Variants in CCDC61 observed in about 807,000 individuals in gnomAD.
CCDC61 encodes coiled-coil domain containing 61.
CCDC61 carries 55 observed loss-of-function variants against 63.0 expected under a neutral mutation model. That is an observed-to-expected ratio of 0.87 (90% CI 0.70 to 1.09). CCDC61 has a LOEUF of 1.09. Among genes scored for constraint, CCDC61 ranks in the 50% least tolerant of loss-of-function variants. The probability of loss-of-function intolerance (pLI) is 0.00; values close to 1 mark genes in which losing one functional copy is unlikely to be tolerated. For synonymous variants in CCDC61, 270 were observed against 317.0 expected, an observed-to-expected ratio of 0.85 and a Z score of 1.58; for missense variants, 651 against 731.4, an observed-to-expected ratio of 0.89 and a Z score of 1.27.
intron 1 of CCDC61, among the ~76,000 whole-genome samples, chr19:46,000,764 A>C (rs1418252299): frequency 6.7e-6 from 1 of 148,164 alleles, no homozygotes; most frequent in Non-Finnish European, 1.5e-5. Context: ...TAAGTGTGCA[A>C]GGGGAATTGA....
chr19:46,012,703 T>C (rs75608718), intron 5 of CCDC61, among the ~76,000 whole-genome samples: 43,809 of 151,554 alleles, frequency 0.29, 6,586 homozygotes, highest in African/African-American at 0.35. Context: ...AGCCTCCGTA[T>C]GTCTTTTTCC....
chr19:46,017,475 C>T (rs908877594), intron 12 of CCDC61, among the ~76,000 whole-genome samples, 171 bp downstream of exon 12: 10 of 148,530 alleles, frequency 6.7e-5, no homozygotes, highest in South Asian at 2.2e-4. Context: ...TTGTAGCTCA[C>T]GGCAGCTTTC....
chr19:46,012,979 G>C (rs1968857588), intron 5 of CCDC61, among the ~76,000 whole-genome samples: 1 of 151,592 alleles, frequency 6.6e-6, no homozygotes, highest in African/African-American at 2.4e-5. Context: ...AGCCTTCCCA[G>C]TAGCTGGGAC....
Position 46,015,632 on chromosome 19 carries a change from G to C in CCDC61, c.845+205G>C, listed in dbSNP as rs953158868. On this transcript the variant is annotated intron_variant, in intron 7 of 13. Transcript: ENST00000595358. This position sits in a 1 kb window ranked among gnomAD's most constrained non-coding sequence, Gnocchi z 5.3. ...TTAGGAGGTGGACCCGGGCTGTGCG[G>C]AGATGCGCAGGCTTGGGGCGGCGTT... Among the ~76,000 whole-genome samples the C allele has an allele frequency of 3.3e-5, 5 of 152,194 alleles. No individual in the cohort carries two copies. The highest frequency in any genetic ancestry group is 3.3e-4 in the Admixed American group (5 of 15,286).
Position 46,015,387 on chromosome 19 carries a change from C to G in CCDC61, c.805C>G (p.Leu269Val), listed in dbSNP as rs775117507. 1 of 1,603,468 alleles carries G rather than the reference C, an allele frequency of 6.2e-7. No individual in the cohort carries two copies. The highest frequency in any genetic ancestry group is 8.5e-7 in the Non-Finnish European group (1 of 1,179,116). ...ATCGGAGCGGAGCCTGCGCGCCCGG[C>G]TGAAGACGCTGACCAGCGAGCTGGC... ...KASERSLRAR[L>V]KTLTSELALY... The change falls in exon 7 of 14, where the codon CTG becomes GTG. Residue 269 changes from leucine to valine, a missense_variant. Physicochemically the swap from Leu to Val is conservative, Grantham distance 32. Transcript: ENST00000595358. This position sits in a 1 kb window ranked among gnomAD's most constrained non-coding sequence, Gnocchi z 5.3.
intron 4 of CCDC61, among the ~76,000 whole-genome samples, chr19:46,007,085 C>G (rs1968726370): frequency 1.4e-5 from 2 of 145,488 alleles, no homozygotes; most frequent in Admixed American, 1.4e-4. Flanking sequence ...GTCTCACTGT[C>G]TCATCCAGGC....
At chr19:46,008,839 G>A (rs1968768943) in intron 5 of CCDC61, among the ~76,000 whole-genome samples, 1 of 152,178 alleles carries the variant, frequency 6.6e-6, no homozygotes, top group South Asian at 2.1e-4. Context: ...AGACAGTGAA[G>A]GCTCTGGGTG....
intron 12 of CCDC61, 97 bp downstream of exon 12, chr19:46,017,401 C>G (rs1361712889): frequency 1.7e-6 from 2 of 1,165,476 alleles, no homozygotes; most frequent in African/African-American, 3.1e-5. Context: ...CTCTGAATGC[C>G]TTTGGCAATA....
intron 1 of CCDC61, among the ~76,000 whole-genome samples, chr19:45,995,937 C>T (rs1226184176): frequency 6.6e-6 from 1 of 152,164 alleles, no homozygotes; most frequent in African/African-American, 2.4e-5. Context: ...TGAGCATGTA[C>T]TTTAAAGAGA....
Position 46,003,098 on chromosome 19 carries a change from A to G in CCDC61, c.80A>G (p.Gln27Arg), listed in dbSNP as rs1462331550. Reference protein sequence around the residue: ...EHAVRVMVSGQVLELEVEDRM... With the variant: ...EHAVRVMVSGRVLELEVEDRM... Reference sequence around the variant, plus strand: ...GCCGTGCGGGTGATGGTTTCTGGGCAGGTGCTGGAGCTGGAGGTGGAGGAC... The same window carrying G: ...GCCGTGCGGGTGATGGTTTCTGGGCGGGTGCTGGAGCTGGAGGTGGAGGAC... The change falls in exon 2 of 14, where the codon CAG becomes CGG. Residue 27 changes from glutamine to arginine, a missense_variant. Coordinates refer to ENST00000595358, the MANE Select transcript of CCDC61 (RefSeq NM_001267723.2). The G allele has an allele frequency of 6.2e-7, 1 of 1,612,544 alleles. No homozygotes were observed. Among genetic ancestry groups the G allele is most frequent in the Non-Finnish European group, 8.5e-7 (1 of 1,179,422 alleles).
chr19:46,018,592 T>A lies in CCDC61; in HGVS notation c.*205T>A. 1 of 540,660 alleles carries A rather than the reference T, an allele frequency of 1.8e-6. No homozygotes were observed. Among genetic ancestry groups the A allele is most frequent in the South Asian group, 2.1e-5 (1 of 47,658 alleles). 33.5% of individuals were successfully genotyped at this position (540,660 alleles called of 1,614,324 possible). On this transcript the variant is annotated 3_prime_UTR_variant, in exon 14 of 14. Coordinates refer to ENST00000595358, the MANE Select transcript of CCDC61 (RefSeq NM_001267723.2). The surrounding 1 kb of genome is among the most constrained non-coding windows in gnomAD (Gnocchi z 4.2). ...TGGGAGGGAGGATGTGTGCATTTTG[T>A]AAATAAACATATTTGCCCTGGGGAC...
chr19:46,006,498 A>C, intron 3 of CCDC61, 61 bp from the exon 4 acceptor site: 1 of 1,448,236 alleles, frequency 6.9e-7, no homozygotes, highest in Non-Finnish European at 9.2e-7. Context: ...GGTGTGTGCT[A>C]GGTGCCCTCC....
chr19:46,012,925 C>T (rs1968856408), intron 5 of CCDC61, among the ~76,000 whole-genome samples: 1 of 151,360 alleles, frequency 6.6e-6, no homozygotes, highest in Non-Finnish European at 1.5e-5. Flanking sequence ...AGTCATGGCT[C>T]ACTGTCAACT....
At position 46,016,792 on chromosome 19, in the gene CCDC61, G is replaced by A. The variant is rs776525592; in HGVS notation, c.1190G>A (p.Arg397Gln). 1.9e-6 allele frequency: 3 copies of A among 1,544,366 alleles called. No individual in the cohort carries two copies. The highest frequency in any genetic ancestry group is 2.0e-5 in the Admixed American group (1 of 49,438). ...CAGCCCCCTGCTGCCTTGACTGGCC[G>A]AGGGGACGCCCCTAACCGCTCCCGA... ...QTQPPAALTG[R>Q]GDAPNRSRNR... The change falls in exon 10 of 14, where the codon CGA becomes CAA. Residue 397 changes from arginine (R) to glutamine (Q), a missense_variant. Transcript: ENST00000595358. This position sits in a 1 kb window ranked among gnomAD's most constrained non-coding sequence, Gnocchi z 7.2.
chr19:46,004,991 C>T (rs1054799386), intron 3 of CCDC61, among the ~76,000 whole-genome samples: 1 of 151,502 alleles, frequency 6.6e-6, no homozygotes, highest in Non-Finnish European at 1.5e-5. Flanking sequence ...GGCCTGCCCA[C>T]CATGCCCAGC....
intron 5 of CCDC61, among the ~76,000 whole-genome samples, chr19:46,013,141 C>T (rs754298637): frequency 2.6e-5 from 4 of 152,178 alleles, no homozygotes; most frequent in Non-Finnish European, 4.4e-5. Flanking sequence ...GCCTCAGCCT[C>T]CTGAGTAGCT....
intron 3 of CCDC61, among the ~76,000 whole-genome samples, chr19:46,005,017 T>C (rs1319618102): frequency 2.7e-5 from 4 of 150,866 alleles, no homozygotes; most frequent in African/African-American, 9.8e-5. Context: ...TTTGTATTTA[T>C]TTATTTATTT....
intron 5 of CCDC61, 102 bp downstream of exon 5, chr19:46,008,403 C>T (rs1968759573): frequency 1.0e-6 from 1 of 989,468 alleles, no homozygotes; most frequent in African/African-American, 1.7e-5. Flanking sequence ...TGTCCTTCGC[C>T]CACCACGTAT....
At position 46,018,509 on chromosome 19, in the gene CCDC61, C is replaced by T. The variant is rs1485042842; in HGVS notation, c.*122C>T. On this transcript the variant is annotated 3_prime_UTR_variant, in exon 14 of 14. Transcript: ENST00000595358. This position sits in a 1 kb window ranked among gnomAD's most constrained non-coding sequence, Gnocchi z 4.2. ...GCCCTGGCCCCGTCCCTCCTGCTGC[C>T]CCTGGGGTCTCAGGTGTGTGAGGCC... 4 of 724,044 alleles carry T rather than the reference C, an allele frequency of 5.5e-6. No individual in the cohort carries two copies. The highest frequency in any genetic ancestry group is 5.3e-5 in the African/African-American group (3 of 56,316). The allele number at this position is 724,044 out of a possible 1,614,324, so 44.9% of individuals were successfully genotyped here. A position where few individuals can be genotyped will look rare whatever the true frequency, so the allele number is the denominator to read the frequency against.
Sources: gnomAD v4.1 joint callset for allele counts (sites outside exome capture counted in the v4.1 genomes callset) on GRCh38, gnomAD v4.1.1 for gene constraint, Gnocchi (gnomAD v3.1) non-coding constraint, MANE v1.5 for transcripts, NCBI Gene and HGNC (gene_info 2026-07-23, HGNC 2026-07-21) for gene names.